Variants in PRPF6 observed in about 807,000 individuals in gnomAD.
PRPF6 encodes pre-mRNA-processing factor 6.
Under a neutral mutation model 118.3 loss-of-function variants are expected in PRPF6, and 42 were observed. The ratio of observed to expected loss-of-function variants is 0.35; its 90% confidence interval spans 0.28 to 0.46. The LOEUF is 0.46. Ranked by LOEUF, PRPF6 falls within the 20% of genes least tolerant of loss-of-function variation. The pLI is 1.00. For synonymous variants in PRPF6, 481 were observed against 485.1 expected, an observed-to-expected ratio of 0.99 and a Z score of 0.11; for missense variants, 662 against 1,255.7, an observed-to-expected ratio of 0.53 and a Z score of 7.15.
intron 8 of PRPF6, 139 bp from the exon 9 acceptor site, chr20:64,000,938 G>A (rs1217592385): frequency 1.2e-6 from 1 of 818,680 alleles, no homozygotes; most frequent in African/African-American, 1.7e-5. Context: ...GACTCCTGGT[G>A]CAGGTGTGTT....
At chr20:64,031,113 C>T (rs531996443) in intron 19 of PRPF6, among the ~76,000 whole-genome samples, 5 of 152,334 alleles carry the variant, frequency 3.3e-5, no homozygotes, top group South Asian at 4.1e-4. Flanking sequence ...GCAGGCACGG[C>T]GGTGTGAATC....
At chr20:63,987,175 A>AG (rs1569211100) in intron 3 of PRPF6, among the ~76,000 whole-genome samples, 1 of 146,702 alleles carries the variant, frequency 6.8e-6, no homozygotes, top group Admixed American at 6.8e-5. Flanking sequence ...GTCTCAAAAA[A>AG]AAAAAAAAAA....
At chr20:64,018,726 G>A (rs1257000928) in intron 12 of PRPF6, among the ~76,000 whole-genome samples, 4 of 151,994 alleles carry the variant, frequency 2.6e-5, no homozygotes, top group Non-Finnish European at 5.9e-5. Flanking sequence ...GCCTCCCAAA[G>A]TATGTAGGAT....
chr20:63,992,540 A>C (rs890016302), intron 3 of PRPF6, among the ~76,000 whole-genome samples: 20 of 151,956 alleles, frequency 1.3e-4, no homozygotes, highest in Non-Finnish European at 2.5e-4. Flanking sequence ...TACAGGTGTA[A>C]GCCACCACGC....
intron 19 of PRPF6, 111 bp from the exon 20 acceptor site, chr20:64,031,807 C>T (rs1256832027): frequency 1.4e-6 from 2 of 1,454,310 alleles, no homozygotes; most frequent in African/African-American, 2.8e-5. Flanking sequence ...TTGAGGGGAG[C>T]ACCAGGGCTG....
chr20:64,032,752 C>T (rs560467211), intron 20 of PRPF6, 89 bp from the exon 21 acceptor site: 1 of 1,516,584 alleles, frequency 6.6e-7, no homozygotes. Flanking sequence ...CTGCCAGGGC[C>T]AGGTCTGCAG....
intron 9 of PRPF6, 54 bp downstream of exon 9, chr20:64,001,293 G>C: frequency 1.9e-6 from 3 of 1,591,748 alleles, no homozygotes; most frequent in Non-Finnish European, 2.6e-6. Flanking sequence ...CCTCCTCTCA[G>C]CAGCTTTCCT....
chr20:64,009,156 G>A (rs1601522663), intron 9 of PRPF6, among the ~76,000 whole-genome samples: 1 of 151,770 alleles, frequency 6.6e-6, no homozygotes, highest in South Asian at 2.1e-4. Flanking sequence ...GTGGCTGCAC[G>A]CCTGTACTCA....
At chr20:63,998,567 C>G (rs540161489) in intron 6 of PRPF6, among the ~76,000 whole-genome samples, 1 of 150,404 alleles carries the variant, frequency 6.6e-6, no homozygotes, top group Non-Finnish European at 1.5e-5. Context: ...CTTGGACAGA[C>G]GCGGTGGCTC....
chr20:64,030,912 C>G (rs1463536543), intron 19 of PRPF6, among the ~76,000 whole-genome samples: 2 of 152,240 alleles, frequency 1.3e-5, no homozygotes, highest in African/African-American at 4.8e-5. Flanking sequence ...TACGGTGCCT[C>G]TGGCTCCAGG....
At chr20:63,986,731 A>G (rs1093460) in intron 3 of PRPF6, among the ~76,000 whole-genome samples, 141,932 of 151,286 alleles carry the variant, frequency 0.94, 66,594 homozygotes, top group East Asian at 1. Context: ...CTCATGATCC[A>G]CCTGCCTCGG....
rs747019965 is a variant in PRPF6 at position 63,981,311 on chromosome 20, C to T, written c.66C>T (p.Gly22=). ...CCCTCGGCTACGTGCCGGGGCTGGG[C>T]CGGGGGTGAGGCCTGGGGCGGCGCG... ...PAPLGYVPGL[G]RGATGFTTRS... Residue 22 remains glycine (G), a synonymous_variant, in exon 1 of 21, where the codon GGC becomes GGT. Coordinates refer to ENST00000266079, the MANE Select transcript of PRPF6 (RefSeq NM_012469.4). 79 of 1,598,240 alleles carry T rather than the reference C, an allele frequency of 4.9e-5. No homozygotes were observed. The highest frequency in any genetic ancestry group is 6.1e-5 in the Non-Finnish European group (71 of 1,172,696).
In PRPF6 at chr20:64,020,456, G is replaced by A. The variant is rs116459939; in HGVS notation, c.1648-2301G>A. On this transcript the variant is annotated intron_variant, in intron 12 of 20. Coordinates refer to ENST00000266079, the MANE Select transcript of PRPF6 (RefSeq NM_012469.4). ...TCAGCATCTGCAGGGCGCAGAGGAC[G>A]GTGACTTGCCCCTGTGTGAGGCTGA... Among the ~76,000 whole-genome samples the A allele has an allele frequency of 4.4e-3, 676 of 152,162 alleles. 6 individuals are homozygous for A. Among genetic ancestry groups the A allele is most frequent in the African/African-American group, 0.016 (649 of 41,514 alleles).
intron 6 of PRPF6, among the ~76,000 whole-genome samples, chr20:63,998,022 A>G (rs2059148839): frequency 1.3e-5 from 2 of 152,202 alleles, no homozygotes; most frequent in Admixed American, 6.5e-5. Flanking sequence ...ATTGTGAATA[A>G]TGCTGCTGTG....
intron 19 of PRPF6, among the ~76,000 whole-genome samples, chr20:64,030,051 C>T (rs918133149): frequency 9.9e-5 from 15 of 152,244 alleles, no homozygotes; most frequent in South Asian, 4.1e-4. Context: ...CAGGCAGCAG[C>T]GGGTAGCCAT....
chr20:63,999,729 T>A lies in PRPF6; in HGVS notation c.993T>A (p.Leu331=). The A allele has an allele frequency of 1.9e-6, 3 of 1,614,146 alleles. No homozygotes were observed. Among genetic ancestry groups the A allele is most frequent in the Non-Finnish European group, 1.7e-6 (2 of 1,180,024 alleles). ...GGAAGCTACAAGTAGCTCGGAACCT[T>A]ATCATGAAGGGGACGGAGATGTGCC... is the stretch of plus-strand genomic sequence containing the variant. ...VTGKLQVARN[L]IMKGTEMCPK... is the part of the protein sequence containing the mutation. Residue 331 remains leucine, a synonymous_variant, in exon 8 of 21, where the codon CTT becomes CTA. Coordinates refer to ENST00000266079, the MANE Select transcript of PRPF6 (RefSeq NM_012469.4).
At chr20:64,017,930 A>C (rs1352749730) in intron 12 of PRPF6, among the ~76,000 whole-genome samples, 1 of 152,204 alleles carries the variant, frequency 6.6e-6, no homozygotes, top group East Asian at 1.9e-4. Flanking sequence ...CAGGCTGGGC[A>C]TGGGGCTGAC....
Position 64,032,974 on chromosome 20 carries a change from G to T in PRPF6, c.2807G>T (p.Arg936Leu), listed in dbSNP as rs748739869. 2 of 1,613,180 alleles carry T rather than the reference G, an allele frequency of 1.2e-6. No homozygotes were observed. The highest frequency in any genetic ancestry group is 8.5e-7 in the Non-Finnish European group (1 of 1,180,054). ...IGDILRLVAGRIKNTF is the reference protein window; with the variant it reads ...IGDILRLVAGLIKNTF ...GACATCCTTAGGCTGGTGGCCGGCCGCATCAAGAACACCTTCTGATTGAGC... is the reference window on the plus strand; with the variant it reads ...GACATCCTTAGGCTGGTGGCCGGCCTCATCAAGAACACCTTCTGATTGAGC... The change falls in exon 21 of 21, where the codon CGC (arginine) becomes CTC (leucine). Residue 936 changes from arginine (R) to leucine (L), a missense_variant. This residue lies in a region of PRPF6 where 244 missense variants were observed against 383.7 expected (regional missense o/e 0.64). Transcript: ENST00000266079.
At chr20:63,995,510 T>G (rs1354383776) in intron 6 of PRPF6, 28 bp downstream of exon 6, 4 of 1,613,598 alleles carry the variant, frequency 2.5e-6, no homozygotes, top group Admixed American at 1.7e-5. Context: ...CATTTTCCTG[T>G]GGACAGGTTT....
Sources: allele counts gnomAD v4.1 joint callset (sites outside exome capture counted in the v4.1 genomes callset), GRCh38; gene constraint gnomAD v4.1.1; regional missense constraint gnomAD v4.1.1; transcripts MANE v1.5; gene names NCBI Gene and HGNC (gene_info 2026-07-23, HGNC 2026-07-21).